Variants in CNTLN observed in about 807,000 individuals in gnomAD.
The protein encoded by CNTLN is centlein, centrosomal protein.
A neutral mutation model predicts 180.0 loss-of-function variants in CNTLN; 212 were observed. That is an observed-to-expected ratio of 1.18 (90% CI 1.05 to 1.32). CNTLN has a LOEUF of 1.32. Ranked by LOEUF, CNTLN falls within the 40% of genes most tolerant of loss-of-function variation. The probability of loss-of-function intolerance (pLI) is 0.00; values close to 1 mark genes in which losing one functional copy is unlikely to be tolerated. For missense variants in CNTLN, 2,095 were observed against 1,610.9 expected, an observed-to-expected ratio of 1.30 and a Z score of -5.14; for synonymous variants, 722 against 563.1, an observed-to-expected ratio of 1.28 and a Z score of -3.99.
At chr9:17,213,606 AT>A (rs1823496123) in intron 2 of CNTLN, among the ~76,000 whole-genome samples, 1 of 152,024 alleles carries the variant, frequency 6.6e-6, no homozygotes, top group Admixed American at 6.5e-5. Context: ...ATTCCTGGAT[AT>A]TTTTGTTAAC....
chr9:17,152,474 G>T (rs988298500), intron 2 of CNTLN, among the ~76,000 whole-genome samples: 1 of 152,320 alleles, frequency 6.6e-6, no homozygotes, highest in Non-Finnish European at 1.5e-5. Flanking sequence ...GCAGTGTTGA[G>T]TGAGTTTCTT....
intron 25 of CNTLN, among the ~76,000 whole-genome samples, chr9:17,487,476 T>C (rs986226484): frequency 2.0e-5 from 3 of 152,186 alleles, no homozygotes; most frequent in African/African-American, 7.2e-5. Flanking sequence ...AGTCAATTCA[T>C]GTTTTCCTCA....
chr9:17,366,605 G>T lies in CNTLN; in HGVS notation c.1887-12G>T, dbSNP rs1034878063. ...ATATGGTTTTAAGTAAATGTTTATT[G>T]CTTTTTCATAGGATGAATCTTGAAG... is the stretch of plus-strand genomic sequence containing the variant. On this transcript the variant is annotated splice_polypyrimidine_tract_variant and intron_variant, in intron 12 of 25. Transcript: ENST00000380647. 4 of 1,323,718 alleles carry T rather than the reference G, an allele frequency of 3.0e-6. No homozygotes were observed. The highest frequency in any genetic ancestry group is 2.9e-5 in the African/African-American group (2 of 68,166). The allele number at this position is 1,323,718 out of a possible 1,614,324, so 82.0% of individuals were successfully genotyped here.
Position 17,342,464 on chromosome 9 carries a change from A to C in CNTLN, c.1886+20A>C, listed in dbSNP as rs143715339. On this transcript the variant is annotated intron_variant, in intron 12 of 25. Transcript: ENST00000380647. ...TCAAAAGTGAGTTTCATTTTTAACA[A>C]TATGGACTTAGATAAAATACTTGGG... is the stretch of plus-strand genomic sequence containing the variant. 6.3e-7 allele frequency: 1 copy of C among 1,588,346 alleles called. No individual in the cohort carries two copies. The highest frequency in any genetic ancestry group is 8.5e-7 in the Non-Finnish European group (1 of 1,171,644).
intron 2 of CNTLN, among the ~76,000 whole-genome samples, chr9:17,175,680 C>T (rs1185051584): frequency 6.6e-6 from 1 of 152,034 alleles, no homozygotes; most frequent in Non-Finnish European, 1.5e-5. Context: ...TTTTAAAAAT[C>T]TTGTTCAGGT....
chr9:17,477,013 A>G (rs1360806962), intron 23 of CNTLN, among the ~76,000 whole-genome samples: 2 of 152,168 alleles, frequency 1.3e-5, no homozygotes, highest in African/African-American at 4.8e-5. Context: ...TGGGGACTTT[A>G]AGTTGAAGCC....
chr9:17,137,047 T>C (rs1174369855), intron 1 of CNTLN, among the ~76,000 whole-genome samples: 2 of 152,206 alleles, frequency 1.3e-5, no homozygotes, highest in African/African-American at 4.8e-5. Context: ...AGTCAGTCTA[T>C]TGGAAACAGC....
intron 6 of CNTLN, among the ~76,000 whole-genome samples, chr9:17,276,465 A>C (rs891419459): frequency 6.6e-6 from 1 of 152,152 alleles, no homozygotes; most frequent in Non-Finnish European, 1.5e-5. Flanking sequence ...TTCCTCACTG[A>C]TAAATGATGG....
At chr9:17,196,212 C>T (rs1436983178) in intron 2 of CNTLN, among the ~76,000 whole-genome samples, 4 of 151,972 alleles carry the variant, frequency 2.6e-5, no homozygotes, top group East Asian at 3.9e-4. Context: ...TTGAGAGGCA[C>T]GGGGTTTCAT....
At chr9:17,436,462 T>A (rs1327764788) in intron 18 of CNTLN, among the ~76,000 whole-genome samples, 1 of 152,212 alleles carries the variant, frequency 6.6e-6, no homozygotes, top group African/African-American at 2.4e-5. Flanking sequence ...TTTTGCTAAG[T>A]GTCAGAATTT....
intron 5 of CNTLN, among the ~76,000 whole-genome samples, chr9:17,272,094 T>G: frequency 6.9e-6 from 1 of 145,568 alleles, no homozygotes; most frequent in South Asian, 2.3e-4. Flanking sequence ...CTTCCTTTCT[T>G]TCCCTCCCTC....
intron 18 of CNTLN, among the ~76,000 whole-genome samples, chr9:17,446,331 C>T (rs897524419): frequency 2.0e-4 from 31 of 152,112 alleles, no homozygotes; most frequent in African/African-American, 7.2e-4. Flanking sequence ...CCCCTACAGA[C>T]CCTATCATGA....
chr9:17,476,524 A>G (rs969401858), intron 23 of CNTLN, among the ~76,000 whole-genome samples: 1 of 152,262 alleles, frequency 6.6e-6, no homozygotes, highest in African/African-American at 2.4e-5. Flanking sequence ...AGGAAAAGCT[A>G]CTGAAGGAAG....
At chr9:17,143,440 A>T (rs1818241373) in intron 2 of CNTLN, 64 bp downstream of exon 2, 2 of 1,151,226 alleles carry the variant, frequency 1.7e-6, no homozygotes, top group African/African-American at 1.5e-5. Flanking sequence ...CTTCATTATT[A>T]AAGTTAGTAC....
intron 13 of CNTLN, among the ~76,000 whole-genome samples, chr9:17,381,852 A>G (rs1421102674): frequency 6.6e-6 from 1 of 152,186 alleles, no homozygotes; most frequent in Non-Finnish European, 1.5e-5. Flanking sequence ...CTGAAGGGGC[A>G]GTGACTACCT....
chr9:17,527,934 A>G, the CNTLN span, among the ~76,000 whole-genome samples: 1 of 152,162 alleles, frequency 6.6e-6, no homozygotes, highest in East Asian at 1.9e-4. Context: ...AACTGGAACA[A>G]TTTGATCAAC....
intron 15 of CNTLN, among the ~76,000 whole-genome samples, chr9:17,396,262 A>G (rs1036788065): frequency 5.9e-5 from 9 of 152,072 alleles, no homozygotes; most frequent in Non-Finnish European, 8.8e-5. Flanking sequence ...TTCTTAAAAA[A>G]CCTGCTTTCA....
Position 17,464,543 on chromosome 9 carries a change from G to A in CNTLN, c.3451G>A (p.Glu1151Lys), listed in dbSNP as rs774933682. The change falls in exon 21 of 26, where the codon GAG (glutamate) becomes AAG (lysine). Residue 1151 changes from glutamate (E) to lysine (K), a missense_variant. Glu to Lys is a moderately conservative substitution (Grantham distance 56, BLOSUM62 1). Coordinates refer to ENST00000380647, the MANE Select transcript of CNTLN (RefSeq NM_017738.4). ...RDITMKRHLIEDLKFRQKVNL... is the reference protein window; with the variant it reads ...RDITMKRHLIKDLKFRQKVNL... ...TATAACTATGAAAAGACATTTGATA[G>A]AGGACTTGAAATTTCGACAGAAAGT... 7 of 1,524,974 alleles carry A rather than the reference G, an allele frequency of 4.6e-6. No individual in the cohort carries two copies. Among genetic ancestry groups the A allele is most frequent in the Non-Finnish European group, 8.7e-7 (1 of 1,143,752 alleles). The allele number at this position is 1,524,974 out of a possible 1,614,324, so 94.5% of individuals were successfully genotyped here.
intron 13 of CNTLN, among the ~76,000 whole-genome samples, chr9:17,372,685 A>G (rs1331602592): frequency 6.6e-6 from 1 of 152,160 alleles, no homozygotes; most frequent in Admixed American, 6.5e-5. Flanking sequence ...AAAGGAAACT[A>G]TAGTTCAATA....
Sources: allele counts gnomAD v4.1 joint callset (sites outside exome capture counted in the v4.1 genomes callset), GRCh38; gene constraint gnomAD v4.1.1; transcripts MANE v1.5; gene names NCBI Gene and HGNC (gene_info 2026-07-23, HGNC 2026-07-21).